The following FBXW2 variants were observed in gnomAD, a reference collection of about 807,000 sequenced individuals.
FBXW2 encodes F-box/WD repeat-containing protein 2.
In FBXW2, 12 loss-of-function variants were observed where a neutral mutation model predicts 46.0. The observed-to-expected ratio is 0.26, with a 90% CI of 0.17 to 0.42. FBXW2 has a LOEUF of 0.42. FBXW2 is among the 10% of genes least tolerant of loss of function. The pLI, the probability that FBXW2 is intolerant of heterozygous loss-of-function variation, is 1.00. For synonymous variants in FBXW2, 203 were observed against 209.6 expected (o/e 0.97, Z 0.27); for missense variants, 360 against 537.0 (o/e 0.67, Z 3.26).
intron 7 of FBXW2, among the ~76,000 whole-genome samples, chr9:120,766,595 G>A (rs890846110): frequency 2.0e-5 from 3 of 152,080 alleles, no homozygotes; most frequent in East Asian, 3.9e-4. Context: ...CTCCCGAGTA[G>A]CTGGGATTAC....
chr9:120,778,068 G>T (rs1017383616), intron 4 of FBXW2, among the ~76,000 whole-genome samples: 2 of 150,474 alleles, frequency 1.3e-5, no homozygotes, highest in Admixed American at 1.3e-4. Context: ...TGAAACAGGA[G>T]GGGGGAGAGA....
At chr9:120,781,613 C>T (rs1404241406) in intron 3 of FBXW2, among the ~76,000 whole-genome samples, 2 of 149,694 alleles carry the variant, frequency 1.3e-5, no homozygotes, top group Non-Finnish European at 3.0e-5. Flanking sequence ...GTGACACATA[C>T]ATGGAATATA....
Position 120,788,106 on chromosome 9 carries a change from G to A in FBXW2, c.153C>T (p.Leu51=), listed in dbSNP as rs746762853. The A allele has an allele frequency of 1.1e-5, 18 of 1,614,044 alleles. No individual in the cohort carries two copies. In the African/African-American group the frequency reaches 2.1e-4, roughly 19 times the overall value. ...GGAGTTTGAGGAAGTCCCGCTTGAGGAGAGTCTCTAGGTTATTGGAGAGAT... is the reference window on the plus strand; with the variant it reads ...GGAGTTTGAGGAAGTCCCGCTTGAGAAGAGTCTCTAGGTTATTGGAGAGAT... ...LRHLSNNLET[L]LKRDFLKLLP... Residue 51 remains leucine (L), a synonymous_variant, in exon 3 of 8, where the codon CTC becomes CTT. Coordinates refer to ENST00000608872, the MANE Select transcript of FBXW2 (RefSeq NM_012164.4).
chr9:120,767,104 A>G (rs946703439), intron 7 of FBXW2, among the ~76,000 whole-genome samples: 1 of 152,226 alleles, frequency 6.6e-6, no homozygotes, highest in Non-Finnish European at 1.5e-5. Context: ...TCTTTCTTGA[A>G]GAAGAAATGC....
In FBXW2 at chr9:120,758,646, C is replaced by T. The variant is rs1288008974; in HGVS notation, c.*5913G>A. 1 of 152,150 alleles carries T rather than the reference C, an allele frequency of 6.6e-6. No homozygotes were observed. The highest frequency in any genetic ancestry group is 2.4e-5 in the African/African-American group (1 of 41,422). The allele number at this position is 152,150 out of a possible 1,614,324, so 9.4% of individuals were successfully genotyped here. A position where few individuals can be genotyped will look rare whatever the true frequency, so the allele number is the denominator to read the frequency against. On this transcript the variant is annotated 3_prime_UTR_variant, in exon 8 of 8. Coordinates refer to ENST00000608872, the MANE Select transcript of FBXW2 (RefSeq NM_012164.4). Reference sequence around the variant, plus strand: ...TGGGGGCTGAAAATCAGGGCTTCAGCCTCACCACTTACTATAACTCCTCTA... The same window carrying T: ...TGGGGGCTGAAAATCAGGGCTTCAGTCTCACCACTTACTATAACTCCTCTA...
intron 7 of FBXW2, among the ~76,000 whole-genome samples, chr9:120,766,002 C>A (rs766899729): frequency 3.3e-5 from 5 of 152,096 alleles, no homozygotes; most frequent in Admixed American, 1.3e-4. Context: ...ACAAGAAAAG[C>A]TGATGTCCTC....
At chr9:120,765,375 G>A (rs1377202570) in intron 7 of FBXW2, among the ~76,000 whole-genome samples, 3 of 152,188 alleles carry the variant, frequency 2.0e-5, no homozygotes, top group Non-Finnish European at 4.4e-5. Flanking sequence ...GATTACAGGC[G>A]TGAGCCACCG....
intron 2 of FBXW2, among the ~76,000 whole-genome samples, chr9:120,790,216 C>T (rs2044806537): frequency 6.6e-6 from 1 of 152,326 alleles, no homozygotes. Flanking sequence ...CAGTGGCTCA[C>T]GCCTGTAATC....
At chr9:120,785,556 C>T (rs1416484468) in intron 3 of FBXW2, among the ~76,000 whole-genome samples, 3 of 152,184 alleles carry the variant, frequency 2.0e-5, no homozygotes, top group Non-Finnish European at 4.4e-5. Context: ...AATATCACCA[C>T]ATAATACATA....
intron 3 of FBXW2, among the ~76,000 whole-genome samples, chr9:120,784,668 C>T (rs1434546049): frequency 1.3e-5 from 2 of 151,722 alleles, no homozygotes; most frequent in Non-Finnish European, 2.9e-5. Flanking sequence ...ACCTGTAATC[C>T]CAGCACTTTG....
At chr9:120,781,633 C>CAT (rs376739636) in intron 3 of FBXW2, among the ~76,000 whole-genome samples, 107,518 of 142,488 alleles carry the variant, frequency 0.75, 40,810 homozygotes, top group Middle Eastern at 0.85. Context: ...ATTTTATATA[C>CAT]ATACACACAC....
chr9:120,788,985 C>G (rs1204801850), intron 2 of FBXW2, among the ~76,000 whole-genome samples: 1 of 151,662 alleles, frequency 6.6e-6, no homozygotes, highest in African/African-American at 2.4e-5. Flanking sequence ...TTTTCTAAAC[C>G]TCATATGAGC....
chr9:120,779,413 C>T (rs766781348), intron 3 of FBXW2, among the ~76,000 whole-genome samples: 1 of 152,138 alleles, frequency 6.6e-6, no homozygotes, highest in Non-Finnish European at 1.5e-5. Flanking sequence ...TTTTAAAAAG[C>T]TGAAATGACT....
intron 3 of FBXW2, among the ~76,000 whole-genome samples, chr9:120,786,539 G>C (rs1019843920): frequency 6.6e-6 from 1 of 152,124 alleles, no homozygotes; most frequent in African/African-American, 2.4e-5. Context: ...TTTTTTAGCA[G>C]TCTGAGAATG....
intron 3 of FBXW2, among the ~76,000 whole-genome samples, chr9:120,786,018 C>CAAA (rs3047150): frequency 1.8e-3 from 74 of 40,432 alleles, no homozygotes; most frequent in East Asian, 3.7e-3. Flanking sequence ...GACTCCATCT[C>CAAA]AAAAAAAAAA....
chr9:120,768,934 G>C (rs1564450701), intron 7 of FBXW2, among the ~76,000 whole-genome samples: 1 of 152,200 alleles, frequency 6.6e-6, no homozygotes, highest in Non-Finnish European at 1.5e-5. Flanking sequence ...CCGGGTTAGG[G>C]CTCAAGATCT....
In FBXW2 at chr9:120,764,588, G is replaced by A; in HGVS notation, c.1336C>T (p.His446Tyr). ...FATSMPDHSI[H>Y]LVLWKEHG The stretch of plus-strand genomic sequence containing the variant: ...CCGTGCTCCTTCCACAACACCAGGT[G>A]AATACTGTGGTCAGGCATGCTGGTG... Residue 446 changes from histidine (H) to tyrosine (Y), a missense_variant, in exon 8 of 8, where the codon CAC (histidine) becomes TAC (tyrosine). Physicochemically the swap from His to Tyr is moderately conservative, Grantham distance 83 (BLOSUM62 2). Coordinates refer to ENST00000608872, the MANE Select transcript of FBXW2 (RefSeq NM_012164.4). The A allele has an allele frequency of 6.2e-7, 1 of 1,614,194 alleles. No homozygotes were observed. The highest frequency in any genetic ancestry group is 8.5e-7 in the Non-Finnish European group (1 of 1,180,018).
intron 2 of FBXW2, 116 bp from the exon 3 acceptor site, chr9:120,788,394 G>A (rs1472958198): frequency 6.7e-6 from 6 of 892,716 alleles, no homozygotes; most frequent in South Asian, 3.3e-5. Flanking sequence ...AACTTTATGC[G>A]TAGTTACATT....
rs1439637040 is a variant in FBXW2, at chr9:120,761,306, T to C, written c.*3253A>G. 2 of 152,248 alleles carry C rather than the reference T, an allele frequency of 1.3e-5. No individual in the cohort carries two copies. Among genetic ancestry groups the C allele is most frequent in the African/African-American group, 4.8e-5 (2 of 41,468 alleles). The allele number at this position is 152,248 out of a possible 1,614,324, so 9.4% of individuals were successfully genotyped here. A position where few individuals can be genotyped will look rare whatever the true frequency, so the allele number is the denominator to read the frequency against. On this transcript the variant is annotated 3_prime_UTR_variant, in exon 8 of 8. Transcript: ENST00000608872. ...CCTGAAGTTGTTATGATGGCCTTTA[T>C]GAACCTGAAAGAAGCCGCTGGCTTC...
Sources: gnomAD v4.1 joint callset for allele counts (sites outside exome capture counted in the v4.1 genomes callset) on GRCh38, gnomAD v4.1.1 for gene constraint, MANE v1.5 for transcripts, NCBI Gene and HGNC (gene_info 2026-07-23, HGNC 2026-07-21) for gene names.